Variants in PHF24 observed in about 807,000 individuals in gnomAD.
PHF24 encodes the protein Galpha inhibitory interacting protein.
A neutral mutation model predicts 42.6 loss-of-function variants in PHF24; 25 were observed. The observed-to-expected ratio is 0.59, with a 90% CI of 0.43 to 0.82. PHF24 has a LOEUF of 0.82. Among genes scored for constraint, PHF24 ranks in the 40% least tolerant of loss-of-function variants. PHF24 has a pLI of 0.00. For missense variants in PHF24, 470 were observed against 538.1 expected (o/e 0.87, Z 1.25); for synonymous variants, 185 against 204.8 (o/e 0.90, Z 0.83).
the PHF24 span, among the ~76,000 whole-genome samples, chr9:34,715,787 C>T: frequency 5.3e-5 from 8 of 152,200 alleles, no homozygotes; most frequent in Non-Finnish European, 1.0e-4. Flanking sequence ...CCTACCTCAG[C>T]AGGCCCACTA....
At chr9:34,962,176 C>T (rs1246014290) in intron 1 of PHF24, among the ~76,000 whole-genome samples, 2 of 152,248 alleles carry the variant, frequency 1.3e-5, no homozygotes, top group East Asian at 1.9e-4. Flanking sequence ...CATATTCTAA[C>T]AAATATTTTA....
chr9:34,930,214 T>G, the PHF24 span, among the ~76,000 whole-genome samples: 1 of 152,196 alleles, frequency 6.6e-6, no homozygotes, highest in African/African-American at 2.4e-5. Context: ...TCAGTGTACT[T>G]AAGTGGTGCC....
the PHF24 span, among the ~76,000 whole-genome samples, chr9:34,815,083 T>C: frequency 6.6e-6 from 1 of 152,304 alleles, no homozygotes; most frequent in South Asian, 2.1e-4. Flanking sequence ...AAGCTGATTT[T>C]GTTAATTTCT....
At chr9:34,825,052 T>C in the PHF24 span, among the ~76,000 whole-genome samples, 1 of 152,288 alleles carries the variant, frequency 6.6e-6, no homozygotes, top group East Asian at 1.9e-4. Flanking sequence ...AGGCTAGAGC[T>C]ACATATGAGA....
chr9:34,927,152 C>T, the PHF24 span, among the ~76,000 whole-genome samples: 2 of 152,090 alleles, frequency 1.3e-5, no homozygotes, highest in African/African-American at 4.8e-5. Context: ...GCAGGTTGGC[C>T]CTGGGCAGGA....
At chr9:34,800,234 T>C in the PHF24 span, among the ~76,000 whole-genome samples, 1 of 152,148 alleles carries the variant, frequency 6.6e-6, no homozygotes, top group Non-Finnish European at 1.5e-5. Context: ...CAACACAAGA[T>C]GGTGTGAGGT....
At chr9:34,859,315 C>T in the PHF24 span, among the ~76,000 whole-genome samples, 1 of 152,162 alleles carries the variant, frequency 6.6e-6, no homozygotes, top group Non-Finnish European at 1.5e-5. Flanking sequence ...TAAACATCCC[C>T]TAGAATGTTG....
exon 2 of PHF24, chr9:34,971,433 T>C (rs778634531): frequency 2.5e-6 from 4 of 1,614,012 alleles, no homozygotes; most frequent in Non-Finnish European, 3.4e-6. Context: ...GGTCCCGCCG[T>C]GGCACTGTAG....
rs72617342 is a variant in PHF24, at chr9:34,964,182, T to C, written c.-5+5781T>C. On this transcript the variant is annotated intron_variant, in intron 1 of 7. Transcript: ENST00000242315. ...TTTCCCTTTCCCCTCACTCAGAGGT[T>C]TTCTTTGCCTTGTTCCTTCCTAGGG... Among the ~76,000 whole-genome samples, 717 of 152,276 alleles carry C rather than the reference T, an allele frequency of 4.7e-3. 31 individuals carry two copies. In the East Asian group the frequency reaches 0.11, roughly 23 times the overall value.
the PHF24 span, among the ~76,000 whole-genome samples, chr9:34,710,878 A>T: frequency 0.37 from 55,417 of 151,768 alleles, 10,504 homozygotes; most frequent in East Asian, 0.63. Flanking sequence ...TGCCTTGGCC[A>T]CCCAAAGTGC....
At chr9:34,833,098 C>T in the PHF24 span, 140 of 1,551,402 alleles carry the variant, frequency 9.0e-5, 3 homozygotes, top group South Asian at 1.6e-3. Context: ...TTGAGGAGCG[C>T]CCAAACCCCG....
the PHF24 span, among the ~76,000 whole-genome samples, chr9:34,888,511 C>G: frequency 1.3e-5 from 2 of 152,188 alleles, no homozygotes; most frequent in African/African-American, 4.8e-5. Context: ...GAGGTTGGAA[C>G]AGGCAACAGG....
the PHF24 span, among the ~76,000 whole-genome samples, chr9:34,706,415 A>G: frequency 1.3e-5 from 2 of 152,256 alleles, no homozygotes; most frequent in Non-Finnish European, 2.9e-5. Context: ...AAGAAATAGC[A>G]TAGGAGTTAA....
chr9:34,834,376 A>G, the PHF24 span: 7 of 1,551,588 alleles, frequency 4.5e-6, no homozygotes, highest in Middle Eastern at 1.7e-4. Context: ...CTAGGGCTAC[A>G]GGCTGGGGGA....
chr9:34,849,823 C>T, the PHF24 span, among the ~76,000 whole-genome samples: 1 of 152,052 alleles, frequency 6.6e-6, no homozygotes, highest in Non-Finnish European at 1.5e-5. Flanking sequence ...TCAGCATTTG[C>T]TTGTCTGTAA....
the PHF24 span, chr9:34,833,468 G>A: frequency 2.4e-5 from 37 of 1,549,892 alleles, no homozygotes; most frequent in Admixed American, 2.0e-4. Flanking sequence ...TGGTGGGATG[G>A]GCAGTTCCTG....
chr9:34,724,484 G>A, the PHF24 span: 5 of 1,551,798 alleles, frequency 3.2e-6, no homozygotes, highest in Non-Finnish European at 4.4e-6. Flanking sequence ...CTCTGGTGCT[G>A]CAACAGTTTG....
chr9:34,754,330 C>T, the PHF24 span, among the ~76,000 whole-genome samples: 19 of 152,162 alleles, frequency 1.2e-4, no homozygotes, highest in East Asian at 3.7e-3. Flanking sequence ...CTATAGGAAA[C>T]AAATCAAATA....
the PHF24 span, chr9:34,728,050 G>A: frequency 6.4e-7 from 1 of 1,552,072 alleles, no homozygotes; most frequent in Non-Finnish European, 8.7e-7. Flanking sequence ...AGCTTCTGTG[G>A]CTTCTCAGCT....
Sources: gnomAD v4.1 joint callset for allele counts (sites outside exome capture counted in the v4.1 genomes callset) on GRCh38, gnomAD v4.1.1 for gene constraint, MANE v1.5 for transcripts, NCBI Gene and HGNC (gene_info 2026-07-23, HGNC 2026-07-21) for gene names.